Variants in DOCK8 observed in about 807,000 individuals in gnomAD.
The protein encoded by DOCK8 is dedicator of cytokinesis protein 8.
Under a neutral mutation model 245.6 loss-of-function variants are expected in DOCK8, and 141 were observed. The observed-to-expected ratio is 0.57, with a 90% CI of 0.50 to 0.66. The LOEUF is 0.66. Ranked by LOEUF, DOCK8 falls within the 30% of genes least tolerant of loss-of-function variation. DOCK8 has a pLI of 0.00. For synonymous variants in DOCK8, 1,168 were observed against 970.2 expected, an observed-to-expected ratio of 1.20 and a Z score of -3.79; for missense variants, 2,965 against 2,603.4, an observed-to-expected ratio of 1.14 and a Z score of -3.02.
chr9:455,349 AC>A (rs748518441), intron 46 of DOCK8, among the ~76,000 whole-genome samples: 2 of 148,748 alleles, frequency 1.3e-5, no homozygotes, highest in African/African-American at 2.5e-5. Context: ...ACAAAAAAAT[AC>A]AAAAATTTAG....
chr9:286,437 T>C (rs745579822), intron 2 of DOCK8, 24 bp from the exon 3 acceptor site: 2 of 1,612,034 alleles, frequency 1.2e-6, no homozygotes, highest in Admixed American at 3.3e-5. Flanking sequence ...GAGAACCTCC[T>C]TTTCCTTTTC....
chr9:414,675 C>G (rs1586961895), intron 28 of DOCK8, 107 bp from the exon 29 acceptor site: 1 of 1,394,228 alleles, frequency 7.2e-7, no homozygotes, highest in East Asian at 2.3e-5. Flanking sequence ...TTGGTTTTCA[C>G]AGTCACCTCA....
intron 1 of DOCK8, among the ~76,000 whole-genome samples, chr9:232,291 G>A (rs1308196725): frequency 3.3e-5 from 5 of 152,060 alleles, no homozygotes; most frequent in African/African-American, 7.2e-5. Flanking sequence ...TGCTGGATTC[G>A]GTTTGCCAGT....
At chr9:342,719 C>G (rs558144224) in intron 14 of DOCK8, among the ~76,000 whole-genome samples, 1 of 152,114 alleles carries the variant, frequency 6.6e-6, no homozygotes, top group Non-Finnish European at 1.5e-5. Flanking sequence ...CCACCTGCCT[C>G]GGCCTCCCAA....
At chr9:319,298 A>G (rs7033445) in intron 7 of DOCK8, among the ~76,000 whole-genome samples, 39,119 of 152,104 alleles carry the variant, frequency 0.26, 5,379 homozygotes, top group Non-Finnish European at 0.28. Flanking sequence ...TTAAAAAAAG[A>G]GGAGTCACTT....
chr9:218,041 A>G (rs1270843357), intron 1 of DOCK8, among the ~76,000 whole-genome samples: 1 of 152,206 alleles, frequency 6.6e-6, no homozygotes, highest in Non-Finnish European at 1.5e-5. Flanking sequence ...TCTGTTTCTG[A>G]TTAGTGTTTA....
chr9:446,238 C>T (rs1419871013), intron 43 of DOCK8, 132 bp from the exon 44 acceptor site: 2 of 802,884 alleles, frequency 2.5e-6, no homozygotes, highest in Non-Finnish European at 4.4e-6. Flanking sequence ...ACATTCTCCC[C>T]TGCATCTGTA....
At position 338,669 on chromosome 9, in the gene DOCK8, T is replaced by G. The variant is rs532355089; in HGVS notation, c.1423-337T>G. On this transcript the variant is annotated intron_variant, in intron 12 of 47. Transcript: ENST00000432829. ...TGAAGAAGAAAGTAAACTTATTCTG[T>G]ATTGTTCCGGGGGGTAATACTGGCA... Among the ~76,000 whole-genome samples the G allele has an allele frequency of 1.0e-3, 157 of 152,084 alleles. 1 individual carries two copies. Among genetic ancestry groups the G allele is most frequent in the African/African-American group, 3.6e-3 (149 of 41,412 alleles).
intron 26 of DOCK8, among the ~76,000 whole-genome samples, chr9:400,341 C>T (rs2054836520): frequency 1.1e-5 from 1 of 92,696 alleles, no homozygotes; most frequent in African/African-American, 4.2e-5. Flanking sequence ...CCACCTCCTC[C>T]ACCACCACCA....
At chr9:327,827 G>C (rs1240566266) in intron 8 of DOCK8, among the ~76,000 whole-genome samples, 195 bp from the exon 9 acceptor site, 1 of 152,152 alleles carries the variant, frequency 6.6e-6, no homozygotes, top group African/African-American at 2.4e-5. Flanking sequence ...CTCTCAAATG[G>C]CTCCAGAATA....
chr9:436,905 G>C (rs2056923113), intron 39 of DOCK8, among the ~76,000 whole-genome samples: 1 of 152,184 alleles, frequency 6.6e-6, no homozygotes, highest in Non-Finnish European at 1.5e-5. Flanking sequence ...AAGATATTGT[G>C]AGCATTTATG....
intron 4 of DOCK8, among the ~76,000 whole-genome samples, chr9:296,986 G>A (rs2049285219): frequency 6.6e-6 from 1 of 152,204 alleles, no homozygotes; most frequent in Middle Eastern, 3.4e-3. Flanking sequence ...CATCCTCACC[G>A]TGTTTGGGCT....
At chr9:235,380 G>T (rs556290999) in intron 1 of DOCK8, among the ~76,000 whole-genome samples, 3 of 152,218 alleles carry the variant, frequency 2.0e-5, no homozygotes, top group Admixed American at 6.5e-5. Flanking sequence ...CCCGTTCTCA[G>T]ATCTGAAGCT....
At chr9:432,380 G>GTGTA (rs1406330793) in intron 37 of DOCK8, 56 bp downstream of exon 37, 20 of 1,530,506 alleles carry the variant, frequency 1.3e-5, no homozygotes, top group Non-Finnish European at 1.7e-5. Context: ...GCCAACTATT[G>GTGTA]TGTATGTATG....
intron 24 of DOCK8, 30 bp downstream of exon 24, chr9:390,596 T>C: frequency 1.3e-6 from 2 of 1,595,852 alleles, no homozygotes. Context: ...GTATCTGTGC[T>C]CAATAGGCCA....
chr9:443,609 C>G (rs1203963248), intron 43 of DOCK8, 93 bp downstream of exon 43: 2 of 1,021,000 alleles, frequency 2.0e-6, no homozygotes, highest in African/African-American at 3.2e-5. Flanking sequence ...TCTGGACTCT[C>G]CAAGTCACTT....
At chr9:308,198 A>G (rs2049935807) in intron 5 of DOCK8, among the ~76,000 whole-genome samples, 1 of 152,362 alleles carries the variant, frequency 6.6e-6, no homozygotes. Context: ...AGCTAGAAGA[A>G]AGGATTTTGA....
At chr9:414,745 T>G (rs374189421) in intron 28 of DOCK8, 37 bp from the exon 29 acceptor site, 29 of 1,613,812 alleles carry the variant, frequency 1.8e-5, no homozygotes, top group East Asian at 1.8e-4. Context: ...CAATTTCCTT[T>G]CACCATAACC....
At chr9:404,538 C>T (rs902407145) in intron 26 of DOCK8, among the ~76,000 whole-genome samples, 5 of 152,138 alleles carry the variant, frequency 3.3e-5, no homozygotes, top group Admixed American at 1.3e-4. Context: ...CATACAGGCT[C>T]ATATGAGGTC....
Sources: gnomAD v4.1 joint callset for allele counts (sites outside exome capture counted in the v4.1 genomes callset) on GRCh38, gnomAD v4.1.1 for gene constraint, MANE v1.5 for transcripts, NCBI Gene and HGNC (gene_info 2026-07-23, HGNC 2026-07-21) for gene names.